Variants in DOCK1 observed in about 807,000 individuals in gnomAD.
The protein encoded by DOCK1 is dedicator of cytokinesis protein 1.
DOCK1 carries 138 observed loss-of-function variants against 262.7 expected under a neutral mutation model. The ratio of observed to expected loss-of-function variants is 0.53; its 90% CI spans 0.46 to 0.61. The LOEUF is 0.61. Among genes scored for constraint, DOCK1 ranks in the 20% least tolerant of loss-of-function variants. The pLI is 0.00. For missense variants in DOCK1, 1,908 were observed against 2,370.7 expected, an observed-to-expected ratio of 0.80 and a Z score of 4.05; for synonymous variants, 866 against 867.4, an observed-to-expected ratio of 1.00 and a Z score of 0.03.
chr10:127,212,450 A>G (rs569337838), intron 27 of DOCK1, among the ~76,000 whole-genome samples: 2 of 152,236 alleles, frequency 1.3e-5, no homozygotes, highest in East Asian at 1.9e-4. Context: ...TGTTTCCATT[A>G]GAAGGTAAAG....
intron 1 of DOCK1, among the ~76,000 whole-genome samples, chr10:126,943,712 C>G (rs1034909239): frequency 1.3e-5 from 2 of 152,046 alleles, no homozygotes. Flanking sequence ...GAAAGGACTA[C>G]CAAGGGAGGC....
At chr10:127,260,740 T>C (rs1481099826) in intron 29 of DOCK1, among the ~76,000 whole-genome samples, 1 of 143,700 alleles carries the variant, frequency 7.0e-6, no homozygotes, top group Non-Finnish European at 1.5e-5. Flanking sequence ...CGTGTGGGTG[T>C]GCATGTGTGT....
At chr10:126,941,035 A>AT (rs1277986833) in intron 1 of DOCK1, among the ~76,000 whole-genome samples, 3 of 152,130 alleles carry the variant, frequency 2.0e-5, no homozygotes, top group Non-Finnish European at 2.9e-5. Flanking sequence ...GTACATTCAC[A>AT]TTTTTCCATC....
At chr10:127,140,263 T>C (rs1157951992) in intron 27 of DOCK1, among the ~76,000 whole-genome samples, 2 of 152,164 alleles carry the variant, frequency 1.3e-5, no homozygotes, top group Non-Finnish European at 2.9e-5. Context: ...CACAGAGTAA[T>C]CTAATCTGAG....
At chr10:126,999,856 T>C (rs906497390) in intron 9 of DOCK1, among the ~76,000 whole-genome samples, 2 of 152,142 alleles carry the variant, frequency 1.3e-5, no homozygotes, top group Non-Finnish European at 2.9e-5. Flanking sequence ...TTTGTATTTT[T>C]AGTAGAGATG....
chr10:127,180,436 A>G (rs1362508124), intron 27 of DOCK1, among the ~76,000 whole-genome samples: 2 of 152,202 alleles, frequency 1.3e-5, no homozygotes, highest in Non-Finnish European at 2.9e-5. Context: ...GTGTTTTAGA[A>G]TTCATTGGAC....
At chr10:126,966,587 T>G (rs2037696115) in intron 1 of DOCK1, among the ~76,000 whole-genome samples, 1 of 152,154 alleles carries the variant, frequency 6.6e-6, no homozygotes, top group Non-Finnish European at 1.5e-5. Flanking sequence ...CTATCCTAAC[T>G]GGGGTGAGAT....
In DOCK1 at chr10:127,208,580, A is replaced by G. The variant is rs532945072; in HGVS notation, c.2848-39428A>G. Reference sequence around the variant, plus strand: ...AGTTTTTTCACTAAAATAAAAATCAATAATCAGTTGGTTATCCTTTTGAAT... The same window carrying G: ...AGTTTTTTCACTAAAATAAAAATCAGTAATCAGTTGGTTATCCTTTTGAAT... On this transcript the variant is annotated intron_variant, in intron 27 of 51. Transcript: ENST00000623213. 1.1e-4 allele frequency among the ~76,000 whole-genome samples: 17 copies of G among 152,344 alleles called. No individual in the cohort carries two copies. In the East Asian group the frequency reaches 2.5e-3, roughly 22 times the overall value.
chr10:127,324,486 C>A (rs140197023), intron 29 of DOCK1, among the ~76,000 whole-genome samples: 1 of 152,186 alleles, frequency 6.6e-6, no homozygotes, highest in Non-Finnish European at 1.5e-5. Flanking sequence ...ATGTACATGT[C>A]ATCTCAGGGC....
intron 23 of DOCK1, among the ~76,000 whole-genome samples, chr10:127,066,889 G>T (rs2045913273): frequency 6.6e-6 from 1 of 152,214 alleles, no homozygotes; most frequent in Non-Finnish European, 1.5e-5. Flanking sequence ...TAACGCGCTG[G>T]TTTAAACCCT....
At chr10:126,997,809 C>G in intron 7 of DOCK1, 1 of 361,754 alleles carries the variant, frequency 2.8e-6, no homozygotes, top group South Asian at 4.4e-5. Context: ...AATTAAATAA[C>G]TACACATATA....
At chr10:126,911,810 T>C (rs113288920) in intron 1 of DOCK1, among the ~76,000 whole-genome samples, 5 of 152,318 alleles carry the variant, frequency 3.3e-5, no homozygotes, top group Admixed American at 1.3e-4. Context: ...AACATTGTTA[T>C]GCAAATGGAT....
intron 31 of DOCK1, among the ~76,000 whole-genome samples, chr10:127,347,286 C>A (rs1185399019): frequency 3.9e-5 from 6 of 152,116 alleles, no homozygotes; most frequent in African/African-American, 1.5e-4. Flanking sequence ...AAGACACAGA[C>A]CTCGTGACGA....
At chr10:127,200,224 A>C (rs1490135222) in intron 27 of DOCK1, among the ~76,000 whole-genome samples, 11 of 152,190 alleles carry the variant, frequency 7.2e-5, no homozygotes, top group Non-Finnish European at 1.5e-4. Context: ...CAAGTTTATT[A>C]AGAGAATAAA....
intron 1 of DOCK1, among the ~76,000 whole-genome samples, chr10:126,907,772 T>G (rs3934751): frequency 0.25 from 37,584 of 151,882 alleles, 5,307 homozygotes; most frequent in East Asian, 0.53. Flanking sequence ...TGCGCTTGAG[T>G]CTCACACCTT....
At chr10:127,209,750 TG>T (rs1443273702) in intron 27 of DOCK1, among the ~76,000 whole-genome samples, 1 of 152,142 alleles carries the variant, frequency 6.6e-6, no homozygotes, top group Non-Finnish European at 1.5e-5. Context: ...GTCCCACAAA[TG>T]GGCAATTAAA....
At chr10:127,258,999 C>T (rs1016355231) in intron 29 of DOCK1, among the ~76,000 whole-genome samples, 4 of 152,128 alleles carry the variant, frequency 2.6e-5, no homozygotes, top group East Asian at 1.9e-4. Flanking sequence ...CCTTGTGTAC[C>T]GTGGCTGCGG....
intron 23 of DOCK1, 139 bp from the exon 24 acceptor site, chr10:127,106,092 G>C: frequency 2.4e-6 from 2 of 827,128 alleles, no homozygotes; most frequent in Admixed American, 2.7e-5. Context: ...TATTTTCATC[G>C]TGTTAGCCGT....
intron 1 of DOCK1, among the ~76,000 whole-genome samples, chr10:126,914,701 T>C (rs753881213): frequency 6.6e-6 from 1 of 152,202 alleles, no homozygotes; most frequent in South Asian, 2.1e-4. Flanking sequence ...CTAGGTAAAC[T>C]TAGGTGTATT....
Sources: gnomAD v4.1 joint callset for allele counts (sites outside exome capture counted in the v4.1 genomes callset) on GRCh38, gnomAD v4.1.1 for gene constraint, MANE v1.5 for transcripts, NCBI Gene and HGNC (gene_info 2026-07-23, HGNC 2026-07-21) for gene names.